The following PXDNL variants were observed in gnomAD, a reference collection of about 807,000 sequenced individuals.
PXDNL encodes the protein probable oxidoreductase PXDNL.
PXDNL carries 145 observed loss-of-function variants against 150.8 expected under a neutral mutation model. The ratio of observed to expected loss-of-function variants is 0.96; its 90% confidence interval spans 0.84 to 1.10. The LOEUF (loss-of-function observed/expected upper bound fraction) is 1.10, where lower values mean the gene tolerates loss of function less well. PXDNL is among the 50% of genes least tolerant of loss of function. The pLI is 0.00. For missense variants in PXDNL, 2,087 were observed against 1,873.9 expected (o/e 1.11, Z -2.10); for synonymous variants, 757 against 725.7 (o/e 1.04, Z -0.69).
At chr8:51,740,573 T>A (rs1323611809) in intron 1 of PXDNL, among the ~76,000 whole-genome samples, 1 of 152,250 alleles carries the variant, frequency 6.6e-6, no homozygotes. Context: ...TGCATTTCTC[T>A]AATGATCAGT....
In PXDNL at chr8:51,710,745, C is replaced by T. The variant is rs77350487; in HGVS notation, c.165-55985G>A. On this transcript the variant is annotated intron_variant, in intron 1 of 22. Transcript: ENST00000356297. ...CATTTAGCATAATGTCTTCTAGGTT[C>T]GTCCATGTTGTCACAAAGGGCAAAA... 8.6e-3 allele frequency among the ~76,000 whole-genome samples: 1,314 copies of T among 152,244 alleles called. 14 individuals are homozygous for T. Among genetic ancestry groups the T allele is most frequent in the South Asian group, 0.02 (98 of 4,820 alleles).
chr8:51,781,704 G>A (rs1250039488), intron 1 of PXDNL, among the ~76,000 whole-genome samples: 1 of 152,168 alleles, frequency 6.6e-6, no homozygotes, highest in African/African-American at 2.4e-5. Flanking sequence ...TTACCACAGG[G>A]GAGAAACAGG....
At chr8:51,403,088 C>CAAAAAA (rs201970177) in intron 17 of PXDNL, among the ~76,000 whole-genome samples, 15 of 52,254 alleles carry the variant, frequency 2.9e-4, no homozygotes, top group East Asian at 4.4e-4. Flanking sequence ...ACTCCCTCTC[C>CAAAAAA]AAAAAAAAAA....
chr8:51,420,665 T>G (rs891424515), intron 14 of PXDNL, among the ~76,000 whole-genome samples: 3 of 152,168 alleles, frequency 2.0e-5, no homozygotes, highest in African/African-American at 7.2e-5. Flanking sequence ...GTAAATAAAG[T>G]GATTAATACA....
intron 5 of PXDNL, among the ~76,000 whole-genome samples, chr8:51,487,040 G>A (rs949184647): frequency 7.3e-5 from 11 of 151,380 alleles, no homozygotes; most frequent in East Asian, 2.0e-4. Flanking sequence ...TGATCGGCCC[G>A]CCCCGGCTTC....
chr8:51,591,512 TA>T (rs1813442531), intron 3 of PXDNL, among the ~76,000 whole-genome samples: 1 of 133,458 alleles, frequency 7.5e-6, no homozygotes, highest in Non-Finnish European at 1.7e-5. Context: ...TGGTCAGAGC[TA>T]AAGATTGGAA....
chr8:51,513,532 A>T (rs1811469911), intron 4 of PXDNL, among the ~76,000 whole-genome samples: 1 of 152,232 alleles, frequency 6.6e-6, no homozygotes. Context: ...CAACAACAGA[A>T]ACTTTTAAAT....
intron 12 of PXDNL, among the ~76,000 whole-genome samples, chr8:51,446,048 A>C (rs1372853590): frequency 3.9e-5 from 6 of 152,220 alleles, no homozygotes; most frequent in Non-Finnish European, 8.8e-5. Context: ...TTTTTAAAAA[A>C]AACATTTAAT....
chr8:51,553,483 G>A (rs1288724019), intron 4 of PXDNL, among the ~76,000 whole-genome samples: 4 of 151,998 alleles, frequency 2.6e-5, no homozygotes, highest in African/African-American at 7.2e-5. Context: ...ACCAAACTAC[G>A]GACTCTGTAA....
intron 3 of PXDNL, among the ~76,000 whole-genome samples, chr8:51,577,414 T>C (rs1290940916): frequency 6.6e-6 from 1 of 151,196 alleles, no homozygotes; most frequent in Non-Finnish European, 1.5e-5. Flanking sequence ...ATGTATGTAT[T>C]TGTGTATATA....
At chr8:51,669,172 T>G (rs1249618939) in intron 1 of PXDNL, among the ~76,000 whole-genome samples, 1 of 152,220 alleles carries the variant, frequency 6.6e-6, no homozygotes, top group Non-Finnish European at 1.5e-5. Flanking sequence ...GAAATTTTGT[T>G]AATCAAGTAT....
intron 4 of PXDNL, among the ~76,000 whole-genome samples, chr8:51,506,501 A>G (rs1250002162): frequency 8.2e-6 from 1 of 122,424 alleles, no homozygotes; most frequent in Non-Finnish European, 1.6e-5. Flanking sequence ...AGATCGCACC[A>G]CTGCACTCCA....
At chr8:51,704,760 T>C (rs1816326336) in intron 1 of PXDNL, among the ~76,000 whole-genome samples, 1 of 152,234 alleles carries the variant, frequency 6.6e-6, no homozygotes, top group Non-Finnish European at 1.5e-5. Flanking sequence ...TGGTGGTTTA[T>C]TGGACATGAA....
intron 1 of PXDNL, among the ~76,000 whole-genome samples, chr8:51,670,609 C>T (rs931952384): frequency 6.6e-6 from 1 of 152,090 alleles, no homozygotes; most frequent in Non-Finnish European, 1.5e-5. Flanking sequence ...TGTGGCTCAT[C>T]ATTAACCATA....
At chr8:51,638,625 G>C (rs1317789147) in intron 2 of PXDNL, among the ~76,000 whole-genome samples, 2 of 152,130 alleles carry the variant, frequency 1.3e-5, no homozygotes, top group Non-Finnish European at 2.9e-5. Context: ...TAACAGTAAA[G>C]GGATCAATTC....
At chr8:51,717,734 G>C (rs1285652236) in intron 1 of PXDNL, among the ~76,000 whole-genome samples, 1 of 152,232 alleles carries the variant, frequency 6.6e-6, no homozygotes, top group African/African-American at 2.4e-5. Flanking sequence ...GCCAGGATAG[G>C]CCTCATTGGC....
At position 51,661,188 on chromosome 8, in the gene PXDNL, T is replaced by A. The variant is rs7846681; in HGVS notation, c.165-6428A>T. Among the ~76,000 whole-genome samples, 282 of 152,268 alleles carry A rather than the reference T, an allele frequency of 1.9e-3. 1 individual carries two copies. The highest frequency in any genetic ancestry group is 6.5e-3 in the African/African-American group (272 of 41,558). ...ACCCTCCATCTTGCCCGATTCCCAG[T>A]CATGTTCCCAGCTGAGGAAGGCTCC... On this transcript the variant is annotated intron_variant, in intron 1 of 22. Transcript: ENST00000356297.
At chr8:51,347,871 T>A (rs1806209147) in intron 19 of PXDNL, among the ~76,000 whole-genome samples, 1 of 152,094 alleles carries the variant, frequency 6.6e-6, no homozygotes, top group African/African-American at 2.4e-5. Context: ...TTACTGATAA[T>A]TAATAACGCA....
intron 4 of PXDNL, among the ~76,000 whole-genome samples, chr8:51,506,861 T>C (rs1218984821): frequency 6.6e-6 from 1 of 152,212 alleles, no homozygotes; most frequent in Non-Finnish European, 1.5e-5. Context: ...CGCCAACCTG[T>C]GACTTTCCCC....
Sources: allele counts gnomAD v4.1 joint callset (sites outside exome capture counted in the v4.1 genomes callset), GRCh38; gene constraint gnomAD v4.1.1; transcripts MANE v1.5; gene names NCBI Gene and HGNC (gene_info 2026-07-23, HGNC 2026-07-21).